EXD3: variants seen among roughly 807,000 people sequenced by gnomAD.
The protein encoded by EXD3 is exonuclease 3'-5' domain containing 3.
A neutral mutation model predicts 98.0 loss-of-function variants in EXD3; 92 were observed. That is an observed-to-expected ratio of 0.94 (90% CI 0.79 to 1.12). The LOEUF is 1.12. EXD3 is among the 50% of genes most tolerant of loss of function. The pLI, the probability that EXD3 is intolerant of heterozygous loss-of-function variation, is 0.00. For synonymous variants in EXD3, 569 were observed against 526.0 expected (o/e 1.08, Z -1.12); for missense variants, 1,222 against 1,191.6 (o/e 1.03, Z -0.38).
rs146534760 is a variant in EXD3 at position 137,403,844 on chromosome 9, G to A, written c.-47-8440C>T. On this transcript the variant is annotated intron_variant, in intron 1 of 21. Transcript: ENST00000340951. The surrounding 1 kb of genome is among the most constrained non-coding windows in gnomAD (Gnocchi z 6.1). ...CAGCCTGGGCTCTTCACCAGGAAAT[G>A]AAGGGGAAGACAGACCTGTGGGATA... Among the ~76,000 whole-genome samples, 137 of 152,338 alleles carry A rather than the reference G, an allele frequency of 9.0e-4. No homozygotes were observed. The East Asian group carries it at 0.021, about 24-fold the overall frequency.
chr9:137,328,496 A>G (rs1015141988), intron 17 of EXD3, among the ~76,000 whole-genome samples: 1 of 13,562 alleles, frequency 7.4e-5, no homozygotes, highest in African/African-American at 1.8e-4. Context: ...AAGTAAAAAC[A>G]AACACAACTG....
intron 2 of EXD3, among the ~76,000 whole-genome samples, chr9:137,389,535 G>A (rs1176089176): frequency 6.6e-6 from 1 of 152,206 alleles, no homozygotes; most frequent in Non-Finnish European, 1.5e-5. Context: ...ACCGTTCGAT[G>A]CTGTGGACCC....
chr9:137,411,382 C>T (rs1837990136), intron 1 of EXD3, among the ~76,000 whole-genome samples: 1 of 152,066 alleles, frequency 6.6e-6, no homozygotes, highest in South Asian at 2.1e-4. Flanking sequence ...GGCAGCCCTG[C>T]TCCTCGGTTT....
At chr9:137,343,239 TTC>T (rs1043435603) in intron 17 of EXD3, 1 of 152,246 alleles carries the variant, frequency 6.6e-6, no homozygotes, top group African/African-American at 2.4e-5. Context: ...TGAATTTAAT[TTC>T]TGTTGTAATT....
At chr9:137,376,073 G>T (rs904539849) in intron 3 of EXD3, among the ~76,000 whole-genome samples, 1 of 152,064 alleles carries the variant, frequency 6.6e-6, no homozygotes, top group African/African-American at 2.4e-5. Flanking sequence ...GGCCAGGCAC[G>T]GTGGCTCATG....
In EXD3 at chr9:137,403,576, C is replaced by A. The variant is rs1837576022; in HGVS notation, c.-47-8172G>T. On this transcript the variant is annotated intron_variant, in intron 1 of 21. Transcript: ENST00000340951. The surrounding 1 kb of genome is among the most constrained non-coding windows in gnomAD (Gnocchi z 6.1). ...CCTGGGCCTCCATTCCCGAGCCCCC[C>A]AGTTTTCGCCTCTCTCCTTCTCTTT... Among the ~76,000 whole-genome samples the A allele has an allele frequency of 9.3e-6, 1 of 107,660 alleles. No homozygotes were observed. The highest frequency in any genetic ancestry group is 2.2e-5 in the Non-Finnish European group (1 of 45,786). The allele number at this position is 107,660 out of a possible 152,430, so 70.6% of individuals were successfully genotyped here.
chr9:137,351,673 T>A (rs1280535397), intron 12 of EXD3, 145 bp from the exon 13 acceptor site: 2 of 756,614 alleles, frequency 2.6e-6, no homozygotes, highest in African/African-American at 3.5e-5. Context: ...CTGGGGCTGT[T>A]GGGGGCACTA....
At chr9:137,327,579 A>C (rs1201630338) in intron 17 of EXD3, among the ~76,000 whole-genome samples, 1 of 152,168 alleles carries the variant, frequency 6.6e-6, no homozygotes, top group African/African-American at 2.4e-5. Flanking sequence ...TTTACCACAA[A>C]AAGAAAGAAA....
At chr9:137,365,738 A>G in intron 7 of EXD3, 1 of 315,146 alleles carries the variant, frequency 3.2e-6, no homozygotes, top group Non-Finnish European at 6.2e-6. Flanking sequence ...ACACACCTAC[A>G]GGCACACACA....
chr9:137,383,928 C>T (rs1417411565), intron 2 of EXD3, among the ~76,000 whole-genome samples: 1 of 152,234 alleles, frequency 6.6e-6, no homozygotes, highest in Admixed American at 6.5e-5. Context: ...GCCACCAGAG[C>T]GAGACCCGAG....
intron 7 of EXD3, among the ~76,000 whole-genome samples, chr9:137,357,726 C>T (rs1204786017): frequency 8.2e-6 from 1 of 122,684 alleles, no homozygotes; most frequent in African/African-American, 2.9e-5. Flanking sequence ...ATATTATATA[C>T]AGGATATATA....
At chr9:137,330,920 A>T (rs1833037169) in intron 17 of EXD3, among the ~76,000 whole-genome samples, 1 of 152,220 alleles carries the variant, frequency 6.6e-6, no homozygotes, top group African/African-American at 2.4e-5. Flanking sequence ...CATAAAACAA[A>T]CATGATAATG....
At chr9:137,408,539 T>C (rs1588436279) in intron 1 of EXD3, among the ~76,000 whole-genome samples, 1 of 53,308 alleles carries the variant, frequency 1.9e-5, no homozygotes, top group African/African-American at 9.4e-5. Flanking sequence ...AGAGTGAGAC[T>C]CTGCCTCAAA....
intron 20 of EXD3, among the ~76,000 whole-genome samples, chr9:137,309,376 T>C (rs1260717359): frequency 6.6e-6 from 1 of 152,184 alleles, no homozygotes; most frequent in Non-Finnish European, 1.5e-5. Flanking sequence ...CCTGATCTTC[T>C]GGTCTGCTAC....
chr9:137,309,698 G>T lies in EXD3; in HGVS notation c.2187C>A (p.Ala729=). 1 of 1,552,554 alleles carries T rather than the reference G, an allele frequency of 6.4e-7. No homozygotes were observed. ...THADIFSRCQ[A]CNCDQYLKVS... ...CCTTTAGGTACTGGTCACAGTTACA[G>T]GCCTGGGGGCCAGAGGGGGTGCTGA... The change falls in exon 20 of 22, where the codon GCC becomes GCA. Residue 729 remains alanine, a splice_region_variant and synonymous_variant. Coordinates refer to ENST00000340951, the MANE Select transcript of EXD3 (RefSeq NM_017820.5).
chr9:137,340,240 G>A lies in EXD3; in HGVS notation c.1998+7831C>T, dbSNP rs188752131. Among the ~76,000 whole-genome samples the A allele has an allele frequency of 5.3e-4, 80 of 152,308 alleles. No individual in the cohort carries two copies. In the East Asian group the frequency reaches 0.011, roughly 22 times the overall value. On this transcript the variant is annotated intron_variant, in intron 17 of 21. Coordinates refer to ENST00000340951, the MANE Select transcript of EXD3 (RefSeq NM_017820.5). Reference sequence around the variant, plus strand: ...CGCCTGTAATCTCAGCACTCTGGGAGGCTGAGGCGGGCGGATCATGAGGTC... The same window carrying A: ...CGCCTGTAATCTCAGCACTCTGGGAAGCTGAGGCGGGCGGATCATGAGGTC...
Position 137,354,729 on chromosome 9 carries a change from G to T in EXD3, c.802C>A (p.Arg268=), listed in dbSNP as rs779698368. ...AAIQQRLAAL[R]HLCHKRFVEK... ...ACAAACCGCTTGTGGCACAGGTGCC[G>T]CAGGGCCGCCAGGCGCTGCTGAATG... Residue 268 remains arginine (R), a synonymous_variant, in exon 9 of 22, where the codon CGG becomes AGG. Transcript: ENST00000340951. 49 of 1,610,696 alleles carry T rather than the reference G, an allele frequency of 3.0e-5. No individual in the cohort carries two copies. The highest frequency in any genetic ancestry group is 3.7e-5 in the Non-Finnish European group (44 of 1,179,690).
chr9:137,358,400 A>G (rs1357862442), intron 7 of EXD3, among the ~76,000 whole-genome samples: 1 of 152,104 alleles, frequency 6.6e-6, no homozygotes, highest in African/African-American at 2.4e-5. Flanking sequence ...GCCGCTCACA[A>G]AGACCCCCTG....
intron 10 of EXD3, chr9:137,353,088 C>G (rs921934396): frequency 1.6e-6 from 2 of 1,232,080 alleles, no homozygotes; most frequent in Non-Finnish European, 2.0e-6. Flanking sequence ...CCCCAGCTGG[C>G]CCCTCCTGGC....
Sources: allele counts gnomAD v4.1 joint callset (sites outside exome capture counted in the v4.1 genomes callset), GRCh38; gene constraint gnomAD v4.1.1; non-coding constraint Gnocchi (gnomAD v3.1); transcripts MANE v1.5; gene names NCBI Gene and HGNC (gene_info 2026-07-23, HGNC 2026-07-21).